Variants in MTA3 observed in about 807,000 individuals in gnomAD.
The protein encoded by MTA3 is metastasis associated 1 family member 3.
MTA3 carries 34 observed loss-of-function variants against 83.5 expected under a neutral mutation model. That is an observed-to-expected ratio of 0.41 (90% CI 0.31 to 0.54). The LOEUF is 0.54. MTA3 is among the 20% of genes least tolerant of loss of function. The pLI, the probability that MTA3 is intolerant of heterozygous loss-of-function variation, is 0.33. For synonymous variants in MTA3, 303 were observed against 252.7 expected, an observed-to-expected ratio of 1.20 and a Z score of -1.89; for missense variants, 761 against 726.4, an observed-to-expected ratio of 1.05 and a Z score of -0.55.
intron 16 of MTA3, among the ~76,000 whole-genome samples, chr2:42,744,789 A>G (rs1669294753): frequency 6.6e-6 from 1 of 152,244 alleles, no homozygotes; most frequent in African/African-American, 2.4e-5. Context: ...CCATTGGGAT[A>G]TCAGTACGGT....
rs562066986 is a variant in MTA3 at position 42,657,393 on chromosome 2, C to T, written c.602+1091C>T. 1.1e-4 allele frequency among the ~76,000 whole-genome samples: 17 copies of T among 152,280 alleles called. No individual in the cohort carries two copies. The East Asian group carries it at 2.7e-3, about 24-fold the overall frequency. On this transcript the variant is annotated intron_variant, in intron 7 of 16. Transcript: ENST00000405094. ...TGACTGGATGGAGACACTTGATGAG[C>T]ATTGTAAAGGGGCCAATCTTGTGGC...
intron 2 of MTA3, among the ~76,000 whole-genome samples, chr2:42,531,956 C>T (rs1426923103): frequency 6.6e-6 from 1 of 152,120 alleles, no homozygotes; most frequent in African/African-American, 2.4e-5. Flanking sequence ...TGGTATTTCA[C>T]TGTGTTAGCT....
At chr2:42,544,603 G>A (rs1316497369) in intron 2 of MTA3, among the ~76,000 whole-genome samples, 1 of 146,968 alleles carries the variant, frequency 6.8e-6, no homozygotes, top group Non-Finnish European at 1.5e-5. Context: ...TGGCCAGGCT[G>A]GTCTCAAACT....
chr2:42,713,364 A>G (rs1223037125), intron 14 of MTA3, among the ~76,000 whole-genome samples: 1 of 152,206 alleles, frequency 6.6e-6, no homozygotes. Flanking sequence ...TAATGAGTAT[A>G]AGCTTTTCTG....
intron 2 of MTA3, among the ~76,000 whole-genome samples, chr2:42,553,019 A>G (rs986644289): frequency 3.9e-5 from 6 of 151,952 alleles, no homozygotes; most frequent in Admixed American, 3.3e-4. Context: ...GCTCACACCT[A>G]TAATCCCAGC....
chr2:42,529,534 C>A (rs1675863059), intron 2 of MTA3, among the ~76,000 whole-genome samples: 1 of 152,224 alleles, frequency 6.6e-6, no homozygotes, highest in South Asian at 2.1e-4. Context: ...TATTTCCAAT[C>A]TAAGGACTTA....
chr2:42,653,237 G>A (rs1688873260), intron 6 of MTA3, among the ~76,000 whole-genome samples: 1 of 152,126 alleles, frequency 6.6e-6, no homozygotes. Flanking sequence ...CATGGTCTGT[G>A]TTTTTTGATG....
At chr2:42,496,269 C>T (rs574899769) in intron 2 of MTA3, among the ~76,000 whole-genome samples, 67 of 152,292 alleles carry the variant, frequency 4.4e-4, no homozygotes, top group African/African-American at 1.5e-3. Context: ...AGGCTTAAAT[C>T]ATTTCATTTG....
chr2:42,727,823 T>C (rs1332145984), intron 16 of MTA3, among the ~76,000 whole-genome samples: 1 of 152,212 alleles, frequency 6.6e-6, no homozygotes, highest in Non-Finnish European at 1.5e-5. Flanking sequence ...TAATTTTTTG[T>C]GGATACATAG....
At chr2:42,630,781 G>T (rs946723479) in intron 4 of MTA3, among the ~76,000 whole-genome samples, 1 of 152,058 alleles carries the variant, frequency 6.6e-6, no homozygotes, top group African/African-American at 2.4e-5. Flanking sequence ...ATAGTTGAAA[G>T]TATCTTAATT....
At chr2:42,558,971 A>G (rs1677533665) in intron 2 of MTA3, among the ~76,000 whole-genome samples, 1 of 151,632 alleles carries the variant, frequency 6.6e-6, no homozygotes, top group South Asian at 2.1e-4. Flanking sequence ...TAGAGAACCA[A>G]CCTTTGCTCT....
chr2:42,682,926 G>A (rs1018451486), intron 9 of MTA3, among the ~76,000 whole-genome samples: 2 of 152,052 alleles, frequency 1.3e-5, no homozygotes, highest in Non-Finnish European at 2.9e-5. Flanking sequence ...TAAAAAACTC[G>A]CTGGGCGTGG....
chr2:42,509,929 G>GA (rs1201136369), intron 2 of MTA3, among the ~76,000 whole-genome samples: 8 of 152,074 alleles, frequency 5.3e-5, no homozygotes, highest in Non-Finnish European at 1.2e-4. Flanking sequence ...GGCTTTTTCT[G>GA]AAAAACCACT....
At chr2:42,620,307 C>T (rs575267669) in intron 4 of MTA3, among the ~76,000 whole-genome samples, 8 of 151,926 alleles carry the variant, frequency 5.3e-5, no homozygotes, top group South Asian at 2.1e-4. Context: ...TTAATAGAGA[C>T]GGTGTTTTAC....
intron 2 of MTA3, among the ~76,000 whole-genome samples, chr2:42,561,238 A>G (rs1482708063): frequency 6.6e-6 from 1 of 151,766 alleles, no homozygotes; most frequent in Non-Finnish European, 1.5e-5. Context: ...TTCCCTTACC[A>G]CCATCATCAC....
chr2:42,556,357 A>G (rs1480320815), intron 2 of MTA3, among the ~76,000 whole-genome samples: 8 of 152,216 alleles, frequency 5.3e-5, no homozygotes, highest in African/African-American at 1.9e-4. Context: ...GAAAGTGTTT[A>G]CCAAGTGCCC....
intron 2 of MTA3, among the ~76,000 whole-genome samples, chr2:42,544,909 G>A (rs1676689814): frequency 6.6e-6 from 1 of 152,124 alleles, no homozygotes; most frequent in African/African-American, 2.4e-5. Context: ...TGTTAACCCT[G>A]TAAGGACAAC....
chr2:42,671,030 C>A (rs1573558118), intron 8 of MTA3, among the ~76,000 whole-genome samples: 1 of 152,002 alleles, frequency 6.6e-6, no homozygotes, highest in East Asian at 1.9e-4. Context: ...TCACTTGTGA[C>A]ATTTAGTTGT....
At chr2:42,563,885 G>A (rs182472440), upstream of MTA3, among the ~76,000 whole-genome samples, 450 of 149,702 alleles carry the variant, frequency 3.0e-3, 2 homozygotes, top group South Asian at 7.4e-3. Flanking sequence ...GTGCAATGGC[G>A]CGATCTCGGC....
Sources: allele counts gnomAD v4.1 joint callset (sites outside exome capture counted in the v4.1 genomes callset), GRCh38; gene constraint gnomAD v4.1.1; transcripts MANE v1.5; gene names NCBI Gene and HGNC (gene_info 2026-07-23, HGNC 2026-07-21).